The following MEIS1 variants were observed in gnomAD, a reference collection of about 807,000 sequenced individuals.
The protein encoded by MEIS1 is homeobox protein Meis1.
Under a neutral mutation model 50.8 loss-of-function variants are expected in MEIS1, and 5 were observed. That is an observed-to-expected ratio of 0.10 (90% CI 0.05 to 0.21). The LOEUF is 0.21. MEIS1 is among the 10% of genes least tolerant of loss of function. MEIS1 has a pLI of 1.00. For missense variants in MEIS1, 318 were observed against 517.3 expected (o/e 0.61, Z 3.74); for synonymous variants, 176 against 179.3 (o/e 0.98, Z 0.15).
chr2:66,439,355 T>C (rs879062890), intron 2 of MEIS1: 2 of 1,222,910 alleles, frequency 1.6e-6, no homozygotes, highest in South Asian at 6.8e-5. Context: ...GGACGTCCTT[T>C]CCCCAAGTTA....
intron 6 of MEIS1, among the ~76,000 whole-genome samples, chr2:66,459,365 G>A (rs1222403460): frequency 1.3e-5 from 2 of 152,158 alleles, no homozygotes; most frequent in Non-Finnish European, 2.9e-5. Context: ...AGATTATGAA[G>A]GGCTTTGTAT....
intron 7 of MEIS1, among the ~76,000 whole-genome samples, chr2:66,488,408 G>A (rs1006973193): frequency 1.3e-5 from 2 of 152,224 alleles, no homozygotes; most frequent in Non-Finnish European, 2.9e-5. Flanking sequence ...GCTAGGTGCA[G>A]TGGCTCAAGC....
At chr2:66,505,905 C>T (rs1160410567) in intron 7 of MEIS1, among the ~76,000 whole-genome samples, 1 of 152,044 alleles carries the variant, frequency 6.6e-6, no homozygotes, top group African/African-American at 2.4e-5. Context: ...TCCATGTTTT[C>T]TTATAGTTTT....
At chr2:66,523,252 A>C (rs1156448824) in intron 8 of MEIS1, among the ~76,000 whole-genome samples, 1 of 152,244 alleles carries the variant, frequency 6.6e-6, no homozygotes, top group Admixed American at 6.5e-5. Flanking sequence ...AGGCCAGCAT[A>C]GTCTTGGTTT....
At chr2:66,490,721 G>A (rs532969060) in intron 7 of MEIS1, among the ~76,000 whole-genome samples, 30 of 152,240 alleles carry the variant, frequency 2.0e-4, no homozygotes, top group Admixed American at 1.5e-3. Context: ...ATTTGATAAT[G>A]TGTAAAATAA....
chr2:66,570,240 C>T (rs1675450530), intron 12 of MEIS1: 2 of 152,062 alleles, frequency 1.3e-5, no homozygotes, highest in Admixed American at 1.3e-4. Flanking sequence ...AGTCTTATTA[C>T]CTCATCATGG....
chr2:66,561,698 A>G (rs1675216349), intron 9 of MEIS1, among the ~76,000 whole-genome samples: 1 of 152,218 alleles, frequency 6.6e-6, no homozygotes, highest in African/African-American at 2.4e-5. Flanking sequence ...TCTTTTCTTA[A>G]TAGTTGATTA....
intron 8 of MEIS1, among the ~76,000 whole-genome samples, chr2:66,520,260 G>T (rs1180754971): frequency 1.3e-5 from 2 of 151,770 alleles, no homozygotes; most frequent in African/African-American, 4.8e-5. Flanking sequence ...GGATCCTGAG[G>T]TCAGGAGATC....
intron 6 of MEIS1, among the ~76,000 whole-genome samples, chr2:66,445,646 G>T (rs549385299): frequency 7.2e-5 from 11 of 152,202 alleles, no homozygotes; most frequent in African/African-American, 2.6e-4. Flanking sequence ...TCTAGGGCCC[G>T]TTGGCGGCAC....
At chr2:66,437,551 T>G (rs1394692956) in intron 1 of MEIS1, 186 bp from the exon 2 acceptor site, 1 of 615,232 alleles carries the variant, frequency 1.6e-6, no homozygotes, top group African/African-American at 1.8e-5. Context: ...TCGCTGAGAA[T>G]TCTGTATTTT....
At chr2:66,558,535 A>G (rs1233778925) in intron 9 of MEIS1, among the ~76,000 whole-genome samples, 2 of 152,138 alleles carry the variant, frequency 1.3e-5, no homozygotes, top group East Asian at 3.9e-4. Context: ...ATATTGACAT[A>G]TATTATTACA....
At chr2:66,484,056 A>C (rs1230273582) in intron 7 of MEIS1, among the ~76,000 whole-genome samples, 2 of 152,214 alleles carry the variant, frequency 1.3e-5, no homozygotes, top group Non-Finnish European at 2.9e-5. Context: ...AAACTTTACC[A>C]AGTATTCCAG....
At chr2:66,450,494 G>A (rs1196724829) in intron 6 of MEIS1, among the ~76,000 whole-genome samples, 1 of 152,056 alleles carries the variant, frequency 6.6e-6, no homozygotes, top group Admixed American at 6.6e-5. Flanking sequence ...AAAATAAAAT[G>A]CCTGTTATTA....
At chr2:66,445,613 G>C (rs1672113660) in intron 6 of MEIS1, among the ~76,000 whole-genome samples, 1 of 152,152 alleles carries the variant, frequency 6.6e-6, no homozygotes, top group Non-Finnish European at 1.5e-5. Context: ...GCTGGGCCTT[G>C]TTAGCTCATT....
chr2:66,523,268 C>T (rs1200606783), intron 8 of MEIS1, among the ~76,000 whole-genome samples: 1 of 152,216 alleles, frequency 6.6e-6, no homozygotes. Flanking sequence ...GGTTTTGCCT[C>T]ATAGACTTCA....
intron 8 of MEIS1, among the ~76,000 whole-genome samples, chr2:66,527,020 C>T (rs1193399307): frequency 6.6e-6 from 1 of 152,016 alleles, no homozygotes; most frequent in Non-Finnish European, 1.5e-5. Context: ...TTCATCACTT[C>T]GTTCAAAAGA....
chr2:66,551,014 GT>G (rs1674906716), intron 9 of MEIS1, among the ~76,000 whole-genome samples: 1 of 152,092 alleles, frequency 6.6e-6, no homozygotes, highest in South Asian at 2.1e-4. Context: ...TGAACTATGA[GT>G]CACTGTTGAA....
At chr2:66,568,822 C>A in intron 11 of MEIS1, 66 bp downstream of exon 11, 1 of 1,386,722 alleles carries the variant, frequency 7.2e-7, no homozygotes, top group Admixed American at 1.7e-5. Context: ...CTCATCAACA[C>A]AGGTAAATCC....
At chr2:66,535,206 A>G (rs933426133) in intron 8 of MEIS1, among the ~76,000 whole-genome samples, 2 of 152,146 alleles carry the variant, frequency 1.3e-5, no homozygotes, top group South Asian at 4.1e-4. Flanking sequence ...AACCCTGTAT[A>G]TCTTGCCATG....
Sources: allele counts gnomAD v4.1 joint callset (sites outside exome capture counted in the v4.1 genomes callset), GRCh38; gene constraint gnomAD v4.1.1; transcripts MANE v1.5; gene names NCBI Gene and HGNC (gene_info 2026-07-23, HGNC 2026-07-21).